The following SPAG17 variants were observed in gnomAD, a reference collection of about 807,000 sequenced individuals.
SPAG17 encodes the protein sperm associated antigen 17, also known as sperm-associated antigen 17.
In SPAG17, 169 loss-of-function variants were observed where a neutral mutation model predicts 273.6. The ratio of observed to expected loss-of-function variants is 0.62; its 90% CI spans 0.55 to 0.70. The LOEUF is 0.70. SPAG17 is among the 30% of genes least tolerant of loss of function. The pLI is 0.00. For missense variants in SPAG17, 2,557 were observed against 2,627.8 expected (o/e 0.97, Z 0.59); for synonymous variants, 825 against 873.2 (o/e 0.94, Z 0.97).
At chr1:118,109,018 A>T (rs947775142) in intron 4 of SPAG17, among the ~76,000 whole-genome samples, 1 of 152,228 alleles carries the variant, frequency 6.6e-6, no homozygotes, top group Non-Finnish European at 1.5e-5. Flanking sequence ...TTTTATTTCT[A>T]AATGACTTCT....
chr1:117,986,478 T>C (rs751213351), intron 40 of SPAG17, among the ~76,000 whole-genome samples: 1 of 152,232 alleles, frequency 6.6e-6, no homozygotes, highest in Non-Finnish European at 1.5e-5. Flanking sequence ...CATCTAATTA[T>C]ATGTTTCACT....
chr1:118,048,942 C>T (rs56752843), intron 20 of SPAG17, among the ~76,000 whole-genome samples: 3,630 of 152,008 alleles, frequency 0.024, 146 homozygotes, highest in African/African-American at 0.082. Context: ...ACAGAGAGTA[C>T]TATGAATAAT....
At position 118,074,598 on chromosome 1, in the gene SPAG17, G is replaced by T. The variant is rs766534889; in HGVS notation, c.2212C>A (p.Gln738Lys). 1 of 1,613,326 alleles carries T rather than the reference G, an allele frequency of 6.2e-7. No individual in the cohort carries two copies. The highest frequency in any genetic ancestry group is 1.7e-5 in the Admixed American group (1 of 59,980). Residue 738 changes from glutamine (Q) to lysine (K), a missense_variant and splice_region_variant, in exon 16 of 49, where the codon CAG (glutamine) becomes AAG (lysine). Coordinates refer to ENST00000336338, the MANE Select transcript of SPAG17 (RefSeq NM_206996.4). ...KAQPQHESLE[Q>K]TTNNEIKDDA... ...TCTTTGATCTCATTGTTTGTGGTCT[G>T]CTCTGCAAATCAAAGACACCAACAT...
intron 40 of SPAG17, among the ~76,000 whole-genome samples, chr1:117,985,453 C>T (rs948544133): frequency 7.9e-5 from 12 of 152,282 alleles, no homozygotes; most frequent in African/African-American, 2.6e-4. Flanking sequence ...AATGTAATGG[C>T]TGGGGCTGCA....
intron 3 of SPAG17, among the ~76,000 whole-genome samples, chr1:118,127,701 A>T (rs1657816907): frequency 1.3e-5 from 2 of 152,240 alleles, no homozygotes; most frequent in South Asian, 4.1e-4. Flanking sequence ...TAGTATGGTC[A>T]TTTTGACAAG....
intron 3 of SPAG17, among the ~76,000 whole-genome samples, chr1:118,121,087 A>AC: frequency 6.6e-6 from 1 of 151,858 alleles, no homozygotes; most frequent in Admixed American, 6.6e-5. Flanking sequence ...TGAGAGCAGC[A>AC]CCCCTGGGCT....
intron 18 of SPAG17, among the ~76,000 whole-genome samples, chr1:118,064,522 T>A (rs1416066245): frequency 3.6e-5 from 5 of 139,532 alleles, no homozygotes; most frequent in Middle Eastern, 4.0e-3. Context: ...CACTCATAGG[T>A]CGGAATTGAA....
chr1:118,146,613 T>A (rs2102335527), intron 3 of SPAG17, among the ~76,000 whole-genome samples: 1 of 152,348 alleles, frequency 6.6e-6, no homozygotes, highest in Non-Finnish European at 1.5e-5. Flanking sequence ...TCCTATGGCC[T>A]TGCTTGAGCT....
intron 46 of SPAG17, among the ~76,000 whole-genome samples, chr1:117,969,296 C>A (rs893464471): frequency 1.3e-5 from 2 of 151,960 alleles, no homozygotes; most frequent in Non-Finnish European, 2.9e-5. Context: ...AATACGATTT[C>A]TTGGTTGGGC....
intron 48 of SPAG17, chr1:117,959,523 C>A: frequency 2.9e-6 from 4 of 1,387,656 alleles, no homozygotes; most frequent in Admixed American, 5.9e-5. Flanking sequence ...GAAGAGTTGG[C>A]GTCATCTTAA....
intron 29 of SPAG17, 129 bp from the exon 30 acceptor site, chr1:118,012,501 T>C (rs1374985210): frequency 1.0e-6 from 1 of 1,000,268 alleles, no homozygotes; most frequent in Non-Finnish European, 1.4e-6. Flanking sequence ...CAAAGTTTTA[T>C]CTCATCTACC....
intron 13 of SPAG17, among the ~76,000 whole-genome samples, chr1:118,085,540 A>G (rs113453332): frequency 0.017 from 2,557 of 149,542 alleles, 41 homozygotes; most frequent in African/African-American, 0.043. Flanking sequence ...GCGCGCGCGC[A>G]CACACACACA....
intron 42 of SPAG17, among the ~76,000 whole-genome samples, chr1:117,982,241 ATT>A (rs763137879): frequency 5.6e-4 from 74 of 132,732 alleles, no homozygotes; most frequent in African/African-American, 1.4e-3. Context: ...CTATCTGCTT[ATT>A]TTTTTTTTTT....
intron 30 of SPAG17, among the ~76,000 whole-genome samples, chr1:118,011,285 A>G (rs1407132069): frequency 6.6e-6 from 1 of 152,200 alleles, no homozygotes; most frequent in Non-Finnish European, 1.5e-5. Context: ...TGTTCACTGT[A>G]GCACTGTTCA....
chr1:118,047,453 C>A (rs965274078), intron 20 of SPAG17, among the ~76,000 whole-genome samples: 1 of 152,052 alleles, frequency 6.6e-6, no homozygotes, highest in East Asian at 1.9e-4. Context: ...GCTCTAGGCC[C>A]ACCTCACTGC....
At chr1:117,982,913 G>A (rs1397371854) in intron 42 of SPAG17, among the ~76,000 whole-genome samples, 1 of 152,124 alleles carries the variant, frequency 6.6e-6, no homozygotes, top group South Asian at 2.1e-4. Context: ...TCGTCTTATA[G>A]AATGTCTGCA....
chr1:118,074,683 C>G, intron 15 of SPAG17, 83 bp from the exon 16 acceptor site: 3 of 1,243,102 alleles, frequency 2.4e-6, no homozygotes, highest in South Asian at 2.5e-5. Flanking sequence ...TTTTGTTGCC[C>G]ATATGATCTA....
chr1:118,024,408 C>A (rs1039461087), intron 27 of SPAG17, among the ~76,000 whole-genome samples: 1 of 152,004 alleles, frequency 6.6e-6, no homozygotes, highest in South Asian at 2.1e-4. Context: ...AACTGTTAAC[C>A]TCTCAGGTCT....
chr1:118,180,677 A>G (rs1263728755), intron 1 of SPAG17, among the ~76,000 whole-genome samples: 1 of 152,108 alleles, frequency 6.6e-6, no homozygotes, highest in African/African-American at 2.4e-5. Context: ...AAACTATATG[A>G]TTGTATTAAA....
Sources: allele counts gnomAD v4.1 joint callset (sites outside exome capture counted in the v4.1 genomes callset), GRCh38; gene constraint gnomAD v4.1.1; transcripts MANE v1.5; gene names NCBI Gene and HGNC (gene_info 2026-07-23, HGNC 2026-07-21).